The following HS6ST1 variants were observed in gnomAD, a reference collection of about 807,000 sequenced individuals.
The protein encoded by HS6ST1 is heparan-sulfate 6-O-sulfotransferase 1.
In HS6ST1, 3 loss-of-function variants were observed where a neutral mutation model predicts 25.2. The ratio of observed to expected loss-of-function variants is 0.12; its 90% CI spans 0.05 to 0.31. The LOEUF (loss-of-function observed/expected upper bound fraction) is 0.31, where lower values mean the gene tolerates loss of function less well. Ranked by LOEUF, HS6ST1 falls within the 10% of genes least tolerant of loss-of-function variation. The pLI, the probability that HS6ST1 is intolerant of heterozygous loss-of-function variation, is 1.00. For synonymous variants in HS6ST1, 204 were observed against 275.1 expected, an observed-to-expected ratio of 0.74 and a Z score of 2.56; for missense variants, 310 against 609.6, an observed-to-expected ratio of 0.51 and a Z score of 5.18.
intron 1 of HS6ST1, among the ~76,000 whole-genome samples, chr2:128,309,227 T>A (rs1694254175): frequency 6.6e-6 from 1 of 152,234 alleles, no homozygotes; most frequent in Non-Finnish European, 1.5e-5. Context: ...CCTAGTTTGC[T>A]GTGGAGGGTG....
intron 1 of HS6ST1, among the ~76,000 whole-genome samples, 186 bp downstream of exon 1, chr2:128,317,851 C>G (rs1261231025): frequency 2.0e-5 from 3 of 152,212 alleles, no homozygotes; most frequent in African/African-American, 7.2e-5. Context: ...GCGGTGACAG[C>G]CGGCTCACCC....
Position 128,268,175 on chromosome 2 carries a change from A to G in HS6ST1, c.1223T>C (p.Ile408Thr), listed in dbSNP as rs1389903968. ...CCACCACCGCCACTACCACTTCTCA[A>G]TGATGTGGCTCATGTAGTCCTCGGT... The part of the protein sequence containing the change: ...VPTEDYMSHI[I>T]EKW The change falls in exon 2 of 2, where the codon ATT becomes ACT. Residue 408 changes from isoleucine to threonine, a missense_variant. Physicochemically the swap from Ile to Thr is moderately conservative, Grantham distance 89. Coordinates refer to ENST00000259241, the MANE Select transcript of HS6ST1 (RefSeq NM_004807.3). The G allele has an allele frequency of 1.9e-6, 3 of 1,608,676 alleles. No individual in the cohort carries two copies. The highest frequency in any genetic ancestry group is 2.5e-6 in the Non-Finnish European group (3 of 1,178,676).
chr2:128,294,766 T>TG (rs985628922), intron 1 of HS6ST1, among the ~76,000 whole-genome samples: 11 of 151,772 alleles, frequency 7.2e-5, no homozygotes, highest in Non-Finnish European at 1.6e-4. Context: ...ACCCAGGCTC[T>TG]GGGATTTCCT....
chr2:128,305,768 G>A (rs1694199508), intron 1 of HS6ST1, among the ~76,000 whole-genome samples: 1 of 152,146 alleles, frequency 6.6e-6, no homozygotes, highest in Non-Finnish European at 1.5e-5. Context: ...GGTGACAGCT[G>A]CTTCCAGCAG....
chr2:128,285,473 C>T lies in HS6ST1; in HGVS notation c.528-16603G>A, dbSNP rs181675706. 3.7e-3 allele frequency among the ~76,000 whole-genome samples: 563 copies of T among 152,342 alleles called. 8 individuals are homozygous for T. Among genetic ancestry groups the T allele is most frequent in the African/African-American group, 0.012 (486 of 41,584 alleles). Reference sequence around the variant, plus strand: ...TGTACCCAGTCTCCCAAGGCCTTGTCCCACCTCACAGCCAAGCTGCTCACC... The same window carrying T: ...TGTACCCAGTCTCCCAAGGCCTTGTTCCACCTCACAGCCAAGCTGCTCACC... On this transcript the variant is annotated intron_variant, in intron 1 of 1. Transcript: ENST00000259241.
At chr2:128,300,869 C>T (rs1352824352) in intron 1 of HS6ST1, among the ~76,000 whole-genome samples, 1 of 152,240 alleles carries the variant, frequency 6.6e-6, no homozygotes, top group Non-Finnish European at 1.5e-5. Flanking sequence ...TCTGAGCCTC[C>T]GCCAGTATCT....
chr2:128,293,421 C>T (rs114936612), intron 1 of HS6ST1, among the ~76,000 whole-genome samples: 1,754 of 152,326 alleles, frequency 0.012, 28 homozygotes, highest in African/African-American at 0.04. Flanking sequence ...GTAACTGTGG[C>T]GGCTGCCACC....
At chr2:128,270,648 A>C (rs1384287595) in intron 1 of HS6ST1, among the ~76,000 whole-genome samples, 1 of 152,206 alleles carries the variant, frequency 6.6e-6, no homozygotes, top group Non-Finnish European at 1.5e-5. Flanking sequence ...AGAAGAGGCT[A>C]TCCATATCCT....
chr2:128,285,581 G>A (rs992015524), intron 1 of HS6ST1, among the ~76,000 whole-genome samples: 6 of 127,478 alleles, frequency 4.7e-5, no homozygotes, highest in African/African-American at 1.5e-4. Flanking sequence ...ACCAGGGGAA[G>A]CCTTGGGGGA....
chr2:128,295,403 G>A (rs994815186), intron 1 of HS6ST1, among the ~76,000 whole-genome samples: 1 of 152,238 alleles, frequency 6.6e-6, no homozygotes, highest in African/African-American at 2.4e-5. Flanking sequence ...TTGACTGCCA[G>A]GGCTTGTGAC....
chr2:128,285,821 C>T lies in HS6ST1; in HGVS notation c.528-16951G>A, dbSNP rs189653173. Among the ~76,000 whole-genome samples the T allele has an allele frequency of 3.7e-3, 564 of 152,306 alleles. 8 individuals are homozygous for T. Among genetic ancestry groups the T allele is most frequent in the African/African-American group, 0.012 (487 of 41,570 alleles). ...CTCCACTGATGGGTGGTACTGGGAG[C>T]TGAGGGCCTCCACCCCACCCTCAGG... On this transcript the variant is annotated intron_variant, in intron 1 of 1. Transcript: ENST00000259241.
chr2:128,273,894 T>C (rs1413880227), intron 1 of HS6ST1, among the ~76,000 whole-genome samples: 1 of 152,016 alleles, frequency 6.6e-6, no homozygotes, highest in Non-Finnish European at 1.5e-5. Context: ...TGACATGTGC[T>C]CTCTGGAGGT....
At chr2:128,282,694 C>T (rs1693805954) in intron 1 of HS6ST1, among the ~76,000 whole-genome samples, 1 of 152,212 alleles carries the variant, frequency 6.6e-6, no homozygotes, top group Admixed American at 6.5e-5. Context: ...TGCAACTGCC[C>T]CAGCCCCTTC....
rs139155409 is a variant in HS6ST1, at chr2:128,273,460, C to T, written c.528-4590G>A. Among the ~76,000 whole-genome samples, 38 of 152,358 alleles carry T rather than the reference C, an allele frequency of 2.5e-4. No homozygotes were observed. The East Asian group carries it at 6.4e-3, about 26-fold the overall frequency. Reference sequence around the variant, plus strand: ...GGCAGGGTGACCTGCCCTTGGCCACCGTCCAGTTCCTACCTACACCTGCCT... The same window carrying T: ...GGCAGGGTGACCTGCCCTTGGCCACTGTCCAGTTCCTACCTACACCTGCCT... On this transcript the variant is annotated intron_variant, in intron 1 of 1. Coordinates refer to ENST00000259241, the MANE Select transcript of HS6ST1 (RefSeq NM_004807.3).
chr2:128,270,848 G>C (rs955647834), intron 1 of HS6ST1, among the ~76,000 whole-genome samples: 1 of 152,220 alleles, frequency 6.6e-6, no homozygotes, highest in Non-Finnish European at 1.5e-5. Context: ...ATGACCCTGT[G>C]AGTTACAGCC....
In HS6ST1 at chr2:128,267,053, G is replaced by A. The variant is rs1232519707; in HGVS notation, c.*1109C>T. Reference sequence around the variant, plus strand: ...AGGCTAGTTGAGAATCTGAAAGCTCGAGTCCCAGTTCCTGGCCATACAGAG... The same window carrying A: ...AGGCTAGTTGAGAATCTGAAAGCTCAAGTCCCAGTTCCTGGCCATACAGAG... On this transcript the variant is annotated 3_prime_UTR_variant, in exon 2 of 2. Transcript: ENST00000259241. The A allele has an allele frequency of 6.6e-6, 1 of 152,062 alleles. No individual in the cohort carries two copies. Among genetic ancestry groups the A allele is most frequent in the Non-Finnish European group, 1.5e-5 (1 of 67,984 alleles). The allele number at this position is 152,062 out of a possible 1,614,324, so 9.4% of individuals were successfully genotyped here.
chr2:128,307,862 G>T (rs910519760), intron 1 of HS6ST1, among the ~76,000 whole-genome samples: 1 of 152,140 alleles, frequency 6.6e-6, no homozygotes, highest in African/African-American at 2.4e-5. Context: ...CGAGCACCGT[G>T]GCCGCACCTG....
intron 1 of HS6ST1, among the ~76,000 whole-genome samples, chr2:128,273,240 C>T (rs1280661512): frequency 6.6e-6 from 1 of 152,240 alleles, no homozygotes; most frequent in African/African-American, 2.4e-5. Context: ...GGCCCAATGG[C>T]TTACGCTGTC....
chr2:128,315,358 G>A (rs985251177), intron 1 of HS6ST1, among the ~76,000 whole-genome samples: 3 of 152,144 alleles, frequency 2.0e-5, no homozygotes, highest in South Asian at 4.1e-4. Context: ...CAGCCGGGAA[G>A]AGCCCCACCT....
Sources: gnomAD v4.1 joint callset for allele counts (sites outside exome capture counted in the v4.1 genomes callset) on GRCh38, gnomAD v4.1.1 for gene constraint, MANE v1.5 for transcripts, NCBI Gene and HGNC (gene_info 2026-07-23, HGNC 2026-07-21) for gene names.